Variants in STMN1 observed in about 807,000 individuals in gnomAD.
STMN1 encodes the protein stathmin.
A neutral mutation model predicts 19.7 loss-of-function variants in STMN1; 3 were observed. The observed-to-expected ratio is 0.15, with a 90% confidence interval of 0.07 to 0.39. STMN1 has a LOEUF of 0.39. Ranked by LOEUF, STMN1 falls within the 10% of genes least tolerant of loss-of-function variation. The pLI, the probability that STMN1 is intolerant of heterozygous loss-of-function variation, is 1.00. For missense variants in STMN1, 99 were observed against 176.0 expected (o/e 0.56, Z 2.48); for synonymous variants, 59 against 58.9 (o/e 1.00, Z -0.01).
chr1:25,900,017 A>G, downstream of STMN1: 13 of 892,150 alleles, frequency 1.5e-5, no homozygotes, highest in Non-Finnish European at 1.7e-5. Context: ...GGACTATTAC[A>G]GCCTCTGGAT....
At chr1:25,888,435 CG>C (rs1415422189) in intron 4 of STMN1, among the ~76,000 whole-genome samples, 3 of 152,140 alleles carry the variant, frequency 2.0e-5, no homozygotes, top group African/African-American at 7.2e-5. Flanking sequence ...GCTAAATTCT[CG>C]GCACCTGGGA....
downstream of STMN1, among the ~76,000 whole-genome samples, chr1:25,895,437 G>T (rs1438509713): frequency 6.6e-6 from 1 of 152,140 alleles, no homozygotes; most frequent in African/African-American, 2.4e-5. Flanking sequence ...AAACAGTTTG[G>T]CTGACTTGGA....
intron 4 of STMN1, among the ~76,000 whole-genome samples, chr1:25,892,887 TAGG>T (rs1330576543): frequency 6.6e-6 from 1 of 152,188 alleles, no homozygotes; most frequent in Non-Finnish European, 1.5e-5. Flanking sequence ...TGGACTCAAT[TAGG>T]AGCCTCCAAA....
At chr1:25,893,303 C>T (rs1324551103) in intron 4 of STMN1, among the ~76,000 whole-genome samples, 1 of 152,160 alleles carries the variant, frequency 6.6e-6, no homozygotes, top group Non-Finnish European at 1.5e-5. Flanking sequence ...GCAGCAATCC[C>T]CGAGCTATAC....
chr1:25,905,030 A>C (rs113281709), intron 1 of STMN1: 10 of 258,732 alleles, frequency 3.9e-5, no homozygotes, highest in African/African-American at 2.0e-4. Flanking sequence ...TTTCCCCCAT[A>C]AACTCTTTAA....
At chr1:25,901,332 G>T in intron 4 of STMN1, 159 bp downstream of exon 4, 1 of 1,145,248 alleles carries the variant, frequency 8.7e-7, no homozygotes, top group Non-Finnish European at 1.2e-6. Flanking sequence ...GGGAATTACT[G>T]AATATTCCAT....
rs2048869235 is a variant in STMN1, at chr1:25,901,179, G to T, written c.379-92C>A. ...GACCCCCAGCCCCCACCTCAAAGAG[G>T]CCCAACACAACCTCAGTGCATATAT... On this transcript the variant is annotated intron_variant, in intron 4 of 4. Coordinates refer to ENST00000455785, the MANE Select transcript of STMN1 (RefSeq NM_005563.4). The T allele has an allele frequency of 3.2e-6, 5 of 1,551,796 alleles. No homozygotes were observed. The East Asian group carries it at 1.1e-4, about 35-fold the overall frequency.
chr1:25,904,621 A>G (rs1396958054), intron 2 of STMN1, 43 bp downstream of exon 2: 18 of 1,574,690 alleles, frequency 1.1e-5, no homozygotes, highest in African/African-American at 2.7e-5. Context: ...ATCTAAAATC[A>G]TAAGCCCATT....
intron 4 of STMN1, among the ~76,000 whole-genome samples, chr1:25,891,052 G>A (rs1184161885): frequency 6.6e-6 from 1 of 152,146 alleles, no homozygotes; most frequent in African/African-American, 2.4e-5. Flanking sequence ...TTCAATCGGG[G>A]CCGGGCACAG....
At chr1:25,893,235 T>C (rs1283988030) in intron 4 of STMN1, among the ~76,000 whole-genome samples, 4 of 152,254 alleles carry the variant, frequency 2.6e-5, no homozygotes, top group Non-Finnish European at 5.9e-5. Context: ...AGTTTCTAAA[T>C]GCTTACTTTC....
downstream of STMN1, among the ~76,000 whole-genome samples, chr1:25,895,523 A>G (rs945372660): frequency 1.7e-4 from 26 of 152,310 alleles, no homozygotes; most frequent in African/African-American, 6.0e-4. Flanking sequence ...GATCCAGCGA[A>G]AGACAGAAGT....
At chr1:25,898,211 G>A (rs2048836909), downstream of STMN1, among the ~76,000 whole-genome samples, 1 of 152,238 alleles carries the variant, frequency 6.6e-6, no homozygotes, top group Non-Finnish European at 1.5e-5. Context: ...AACTATGGCA[G>A]GTTCTCTGTG....
intron 4 of STMN1, chr1:25,889,035 A>C: frequency 2.0e-6 from 1 of 490,510 alleles, no homozygotes; most frequent in Non-Finnish European, 4.1e-6. Context: ...CCAGTGGATT[A>C]GGATGAAAAC....
intron 4 of STMN1, among the ~76,000 whole-genome samples, chr1:25,890,549 T>A (rs1421589651): frequency 6.6e-6 from 1 of 152,210 alleles, no homozygotes; most frequent in Non-Finnish European, 1.5e-5. Context: ...AGGGGAAGAA[T>A]AAATGTTAAT....
At chr1:25,893,311 T>C (rs1030607791) in intron 4 of STMN1, among the ~76,000 whole-genome samples, 1 of 152,218 alleles carries the variant, frequency 6.6e-6, no homozygotes, top group Non-Finnish European at 1.5e-5. Flanking sequence ...CCCCGAGCTA[T>C]ACTTTGATAG....
chr1:25,897,078 G>C (rs1012805316), downstream of STMN1, among the ~76,000 whole-genome samples: 1 of 152,164 alleles, frequency 6.6e-6, no homozygotes, highest in African/African-American at 2.4e-5. Context: ...ACTTTGGGAG[G>C]CTGAGGCAGG....
Position 25,901,596 on chromosome 1 carries a change from G to A in STMN1, c.273C>T (p.Asn91=), listed in dbSNP as rs1485593495. ...EVLQKAIEEN[N]NFSKMAEEKL... ...TCTCTTCTGCCATTTTACTGAAGTT[G>A]TTGTTCTCTTCTATTGCCTTCTGAA... Residue 91 remains asparagine (N), a synonymous_variant, in exon 4 of 5, where the codon AAC becomes AAT. Transcript: ENST00000455785. 1.9e-6 allele frequency: 3 copies of A among 1,613,976 alleles called. No homozygotes were observed. The highest frequency in any genetic ancestry group is 1.1e-5 in the South Asian group (1 of 91,054).
rs1182882761 is a variant in STMN1 at position 25,903,572 on chromosome 1, TATAGAA to T, written c.186+63_186+68del. Reference sequence around the variant, plus strand: ...AGCTACAATTCTGTTTTCTTCCTGTTATAGAAATAAAATTGATCTGCCCATTACATA... The same window carrying T: ...AGCTACAATTCTGTTTTCTTCCTGTTATAAAATTGATCTGCCCATTACATA... On this transcript the variant is annotated intron_variant, in intron 3 of 4. Transcript: ENST00000455785. 2.5e-5 allele frequency: 40 copies of T among 1,579,812 alleles called. 1 individual carries two copies. The Middle Eastern group carries it at 6.9e-4, about 27-fold the overall frequency.
intron 3 of STMN1, 56 bp from the exon 4 acceptor site, chr1:25,901,738 G>C (rs749539083): frequency 6.0e-5 from 91 of 1,524,142 alleles, no homozygotes; most frequent in Non-Finnish European, 7.7e-5. Context: ...GGCTGGGTGT[G>C]GTGGCTCACG....
Sources: allele counts gnomAD v4.1 joint callset (sites outside exome capture counted in the v4.1 genomes callset), GRCh38; gene constraint gnomAD v4.1.1; transcripts MANE v1.5; gene names NCBI Gene and HGNC (gene_info 2026-07-23, HGNC 2026-07-21).